The following THSD4 variants were observed in gnomAD, a reference collection of about 807,000 sequenced individuals.
The protein encoded by THSD4 is thrombospondin type-1 domain-containing protein 4.
Under a neutral mutation model 119.0 loss-of-function variants are expected in THSD4, and 69 were observed. That is an observed-to-expected ratio of 0.58 (90% confidence interval 0.48 to 0.71). The LOEUF (loss-of-function observed/expected upper bound fraction) is 0.71, where lower values mean the gene tolerates loss of function less well. THSD4 is among the 30% of genes least tolerant of loss of function. The pLI is 0.00. For synonymous variants in THSD4, 524 were observed against 540.4 expected (o/e 0.97, Z 0.42); for missense variants, 1,393 against 1,391.1 (o/e 1.00, Z -0.02).
chr15:71,577,701 CTTTA>C (rs1338733080), intron 7 of THSD4, among the ~76,000 whole-genome samples: 44 of 14,466 alleles, frequency 3.0e-3, no homozygotes, highest in African/African-American at 4.8e-3. Flanking sequence ...CTGGTGCAAC[CTTTA>C]TTTATTTATT....
At chr15:71,277,041 A>G (rs1002449815) in intron 6 of THSD4, among the ~76,000 whole-genome samples, 2 of 150,428 alleles carry the variant, frequency 1.3e-5, no homozygotes, top group East Asian at 2.0e-4. Flanking sequence ...TTTTGATTGT[A>G]TTTCCTGTCT....
intron 7 of THSD4, among the ~76,000 whole-genome samples, chr15:71,489,875 T>G (rs1156603734): frequency 6.6e-6 from 1 of 152,142 alleles, no homozygotes; most frequent in East Asian, 1.9e-4. Flanking sequence ...TATAGAAAAT[T>G]TGGATCCTGA....
intron 6 of THSD4, among the ~76,000 whole-genome samples, chr15:71,283,476 T>C (rs1323107316): frequency 6.6e-6 from 1 of 152,244 alleles, no homozygotes; most frequent in East Asian, 1.9e-4. Flanking sequence ...AGATGTCTTT[T>C]ACTTCAGAAC....
At chr15:71,356,874 C>T (rs150416917) in intron 6 of THSD4, among the ~76,000 whole-genome samples, 107 of 152,254 alleles carry the variant, frequency 7.0e-4, no homozygotes, top group Non-Finnish European at 1.3e-3. Context: ...TCCTAGAGCA[C>T]CAGTAGCACT....
At chr15:71,721,251 G>A (rs1342541669) in intron 8 of THSD4, among the ~76,000 whole-genome samples, 1 of 152,106 alleles carries the variant, frequency 6.6e-6, no homozygotes. Context: ...CCCTGTGCCT[G>A]TAATCCCAGC....
Position 71,396,139 on chromosome 15 carries a change from T to TATACATGTATAC in THSD4, c.1016-15538_1016-15527dup, listed in dbSNP as rs2046451753. ...GTGGATGTGCACACACATATCTACATATACATGTATACATACATGTAGACA... is the reference window on the plus strand; with the variant it reads ...GTGGATGTGCACACACATATCTACATATACATGTATACATACATGTATACATACATGTAGACA... On this transcript the variant is annotated intron_variant, in intron 6 of 17. Coordinates refer to ENST00000261862, the MANE Select transcript of THSD4 (RefSeq NM_024817.3). 2.0e-5 allele frequency among the ~76,000 whole-genome samples: 3 copies of TATACATGTATAC among 152,088 alleles called. No individual in the cohort carries two copies. In the South Asian group the frequency reaches 6.2e-4, roughly 32 times the overall value.
chr15:71,446,686 A>G (rs906463806), intron 7 of THSD4, among the ~76,000 whole-genome samples: 1 of 152,248 alleles, frequency 6.6e-6, no homozygotes, highest in African/African-American at 2.4e-5. Flanking sequence ...AATGGCAGCA[A>G]TTCGGTAGTG....
At chr15:71,229,409 G>A (rs2140262828) in intron 4 of THSD4, among the ~76,000 whole-genome samples, 1 of 152,248 alleles carries the variant, frequency 6.6e-6, no homozygotes, top group African/African-American at 2.4e-5. Flanking sequence ...CAAAATCTGA[G>A]GATGTACAAG....
intron 6 of THSD4, among the ~76,000 whole-genome samples, chr15:71,365,438 C>T (rs1355016463): frequency 1.3e-5 from 2 of 152,108 alleles, no homozygotes; most frequent in Non-Finnish European, 1.5e-5. Context: ...CTCCATCCTT[C>T]TACTCTGTCT....
chr15:71,234,942 A>G (rs555473728), intron 4 of THSD4, among the ~76,000 whole-genome samples: 1 of 152,172 alleles, frequency 6.6e-6, no homozygotes, highest in Non-Finnish European at 1.5e-5. Flanking sequence ...CCACACTCAC[A>G]TCTCTGTGTG....
chr15:71,541,913 T>C (rs546388278), intron 7 of THSD4, among the ~76,000 whole-genome samples: 68 of 152,216 alleles, frequency 4.5e-4, no homozygotes, highest in Non-Finnish European at 1.5e-4. Flanking sequence ...ATGAAGTGTG[T>C]GTGAACACAA....
At chr15:71,726,300 C>A (rs926331045) in intron 8 of THSD4, among the ~76,000 whole-genome samples, 1 of 152,190 alleles carries the variant, frequency 6.6e-6, no homozygotes, top group Admixed American at 6.5e-5. Context: ...GCCACTCCAG[C>A]CCCTCTGTGC....
At chr15:71,519,770 C>A (rs62015917) in intron 7 of THSD4, among the ~76,000 whole-genome samples, 39,241 of 152,042 alleles carry the variant, frequency 0.26, 6,193 homozygotes, top group Middle Eastern at 0.42. Flanking sequence ...ATCAGAAGGG[C>A]TGGAGGTTTT....
chr15:71,669,729 G>C (rs2051485697), intron 8 of THSD4, among the ~76,000 whole-genome samples: 1 of 152,118 alleles, frequency 6.6e-6, no homozygotes, highest in South Asian at 2.1e-4. Flanking sequence ...ACTTTCATCT[G>C]TTTTTGCAAC....
chr15:71,350,750 G>C (rs2045733704), intron 6 of THSD4, among the ~76,000 whole-genome samples: 1 of 152,030 alleles, frequency 6.6e-6, no homozygotes, highest in Non-Finnish European at 1.5e-5. Flanking sequence ...CCTTGGGGGA[G>C]GGCACATGGA....
At chr15:71,738,241 C>T in intron 11 of THSD4, 2 of 561,110 alleles carry the variant, frequency 3.6e-6, no homozygotes, top group Non-Finnish European at 6.3e-6. Context: ...AGATCCCTTG[C>T]CTGCACAGTT....
intron 7 of THSD4, among the ~76,000 whole-genome samples, chr15:71,585,369 G>T (rs768111731): frequency 6.6e-6 from 1 of 152,166 alleles, no homozygotes; most frequent in Non-Finnish European, 1.5e-5. Flanking sequence ...AGGGTTGGTT[G>T]TTTGTTCCTT....
chr15:71,349,975 G>T (rs774958731), intron 6 of THSD4, among the ~76,000 whole-genome samples: 1 of 152,072 alleles, frequency 6.6e-6, no homozygotes, highest in Non-Finnish European at 1.5e-5. Context: ...TTAACGTAAT[G>T]CAAATCGGTT....
chr15:71,342,051 G>C (rs1051950913), intron 6 of THSD4, among the ~76,000 whole-genome samples: 1 of 152,102 alleles, frequency 6.6e-6, no homozygotes, highest in Non-Finnish European at 1.5e-5. Flanking sequence ...ACAGGAGATG[G>C]GGAGGGGTAG....
Sources: allele counts gnomAD v4.1 joint callset (sites outside exome capture counted in the v4.1 genomes callset), GRCh38; gene constraint gnomAD v4.1.1; transcripts MANE v1.5; gene names NCBI Gene and HGNC (gene_info 2026-07-23, HGNC 2026-07-21).